Variants in THSD7B observed in about 807,000 individuals in gnomAD.
THSD7B encodes the protein thrombospondin type 1 domain containing 7B.
THSD7B carries 138 observed loss-of-function variants against 213.6 expected under a neutral mutation model. The observed-to-expected ratio is 0.65, with a 90% CI of 0.56 to 0.74. The LOEUF is 0.74. Ranked by LOEUF, THSD7B falls within the 30% of genes least tolerant of loss-of-function variation. The pLI is 0.00. For synonymous variants in THSD7B, 742 were observed against 687.0 expected (o/e 1.08, Z -1.25); for missense variants, 1,931 against 1,991.5 (o/e 0.97, Z 0.58).
At chr2:136,775,882 A>G (rs1280919484) in intron 1 of THSD7B, among the ~76,000 whole-genome samples, 1 of 152,156 alleles carries the variant, frequency 6.6e-6, no homozygotes, top group African/African-American at 2.4e-5. Flanking sequence ...ATCATCAAGA[A>G]GACATTTCTT....
At chr2:136,945,804 A>G (rs573407253) in intron 2 of THSD7B, among the ~76,000 whole-genome samples, 1 of 152,290 alleles carries the variant, frequency 6.6e-6, no homozygotes, top group African/African-American at 2.4e-5. Context: ...TTCTCACGCC[A>G]TGGTTTTCAG....
chr2:137,363,751 A>G (rs1320179100), intron 12 of THSD7B, among the ~76,000 whole-genome samples: 1 of 152,290 alleles, frequency 6.6e-6, no homozygotes, highest in East Asian at 1.9e-4. Context: ...AACCAATAGC[A>G]TACCAACCAA....
chr2:136,847,063 A>C (rs1175191139), intron 1 of THSD7B, among the ~76,000 whole-genome samples: 2 of 152,156 alleles, frequency 1.3e-5, no homozygotes, highest in African/African-American at 2.4e-5. Flanking sequence ...GCTGAATTAA[A>C]GGTGGGAATG....
rs71877881 is a variant in THSD7B at position 137,273,025 on chromosome 2, T to TAC, written c.2396+407_2396+408dup. 6.5e-3 allele frequency among the ~76,000 whole-genome samples: 923 copies of TAC among 141,046 alleles called. 8 individuals carry two copies. Among genetic ancestry groups the TAC allele is most frequent in the African/African-American group, 0.01 (389 of 38,188 alleles). 92.5% of individuals were successfully genotyped at this position (141,046 alleles called of 152,430 possible). ...CACACCACACACACGGGAGAAGGAA[T>TAC]ACACACACACACACACACACACACA... On this transcript the variant is annotated intron_variant, in intron 11 of 27. Coordinates refer to ENST00000409968, the MANE Select transcript of THSD7B (RefSeq NM_001316349.2).
At chr2:137,250,285 A>G (rs1682143959) in intron 10 of THSD7B, among the ~76,000 whole-genome samples, 1 of 152,204 alleles carries the variant, frequency 6.6e-6, no homozygotes, top group African/African-American at 2.4e-5. Flanking sequence ...GTATATAAAT[A>G]TGGGGTATAA....
At chr2:137,059,600 T>C (rs1363361143) in intron 3 of THSD7B, among the ~76,000 whole-genome samples, 2 of 152,174 alleles carry the variant, frequency 1.3e-5, no homozygotes, top group East Asian at 1.9e-4. Context: ...AGTTTTGCCT[T>C]TTTAAAAAAT....
At chr2:137,081,682 C>T (rs913388688) in intron 3 of THSD7B, among the ~76,000 whole-genome samples, 4 of 151,950 alleles carry the variant, frequency 2.6e-5, no homozygotes, top group African/African-American at 9.7e-5. Flanking sequence ...TTTTTCTTTT[C>T]AGCTTTGTTC....
At chr2:136,986,630 G>C (rs1434674235) in intron 2 of THSD7B, among the ~76,000 whole-genome samples, 2 of 152,130 alleles carry the variant, frequency 1.3e-5, no homozygotes, top group African/African-American at 4.8e-5. Context: ...AGCTTCTAAA[G>C]GTAGAGATAG....
At chr2:137,344,204 ATCTGTGGAAAAATTGTC>A (rs2104911267) in intron 12 of THSD7B, among the ~76,000 whole-genome samples, 1 of 151,736 alleles carries the variant, frequency 6.6e-6, no homozygotes, top group South Asian at 2.1e-4. Context: ...ACTCCCCCAT[ATCTGTGGAAAAATTGTC>A]TTCCACAAAA....
chr2:137,268,213 T>C (rs374034016), intron 10 of THSD7B, among the ~76,000 whole-genome samples: 2 of 152,242 alleles, frequency 1.3e-5, no homozygotes, highest in South Asian at 2.1e-4. Flanking sequence ...TGCAGGTTTG[T>C]TAAGTAAGTA....
intron 1 of THSD7B, among the ~76,000 whole-genome samples, chr2:136,771,604 C>T (rs1681506596): frequency 6.6e-6 from 1 of 152,134 alleles, no homozygotes; most frequent in African/African-American, 2.4e-5. Context: ...ATCTATTAGT[C>T]AAAATCCAGT....
At chr2:136,786,722 T>C (rs1035073748) in intron 1 of THSD7B, among the ~76,000 whole-genome samples, 1 of 152,194 alleles carries the variant, frequency 6.6e-6, no homozygotes, top group Non-Finnish European at 1.5e-5. Flanking sequence ...CACTGGTATT[T>C]CCATTGTGCA....
At chr2:137,557,265 A>G (rs987396065) in intron 15 of THSD7B, among the ~76,000 whole-genome samples, 5 of 152,206 alleles carry the variant, frequency 3.3e-5, no homozygotes, top group African/African-American at 4.8e-5. Flanking sequence ...CACCACACCT[A>G]TTCCTAAATT....
intron 2 of THSD7B, among the ~76,000 whole-genome samples, chr2:137,055,147 T>C (rs1427873261): frequency 6.6e-6 from 1 of 152,248 alleles, no homozygotes; most frequent in Non-Finnish European, 1.5e-5. Context: ...TTCCATGGTG[T>C]ACGTGTGCCA....
Position 137,414,510 on chromosome 2 carries a change from A to G in THSD7B, c.2959+2638A>G, listed in dbSNP as rs185409908. Among the ~76,000 whole-genome samples the G allele has an allele frequency of 2.0e-5, 3 of 149,590 alleles. No individual in the cohort carries two copies. In the East Asian group the frequency reaches 6.1e-4, roughly 31 times the overall value. On this transcript the variant is annotated intron_variant, in intron 14 of 27. Coordinates refer to ENST00000409968, the MANE Select transcript of THSD7B (RefSeq NM_001316349.2). ...TAGGTGGGAGGATCGCTTGAGCCCAAGAGTTTGAGACAAGCCTGGTCAACA... is the reference window on the plus strand; with the variant it reads ...TAGGTGGGAGGATCGCTTGAGCCCAGGAGTTTGAGACAAGCCTGGTCAACA...
intron 12 of THSD7B, among the ~76,000 whole-genome samples, chr2:137,361,513 A>G (rs192802269): frequency 6.6e-6 from 1 of 152,300 alleles, no homozygotes; most frequent in Non-Finnish European, 1.5e-5. Flanking sequence ...GCTAACTAGA[A>G]TAAACAGTGT....
rs531941968 is a variant in THSD7B at position 136,803,153 on chromosome 2, C to T, written c.-36+37466C>T. Among the ~76,000 whole-genome samples, 69 of 150,834 alleles carry T rather than the reference C, an allele frequency of 4.6e-4. 1 individual carries two copies. The highest frequency in any genetic ancestry group is 6.9e-3 in the Middle Eastern group (2 of 288). On this transcript the variant is annotated intron_variant, in intron 1 of 27. Coordinates refer to ENST00000409968, the MANE Select transcript of THSD7B (RefSeq NM_001316349.2). ...CATATTTCCTGGAATATAAATACAC[C>T]CACACACACACACATGCACATATAT...
At chr2:136,998,953 CACA>C (rs1393592035) in intron 2 of THSD7B, among the ~76,000 whole-genome samples, 2,247 of 150,292 alleles carry the variant, frequency 0.015, 31 homozygotes, top group Non-Finnish European at 0.018. Context: ...CACACACACA[CACA>C]CACCCCTGCT....
chr2:137,421,859 C>T (rs1686937221), intron 14 of THSD7B, among the ~76,000 whole-genome samples: 1 of 152,170 alleles, frequency 6.6e-6, no homozygotes, highest in South Asian at 2.1e-4. Context: ...GAGTTATAAG[C>T]CAGGAAACCT....
Sources: allele counts gnomAD v4.1 joint callset (sites outside exome capture counted in the v4.1 genomes callset), GRCh38; gene constraint gnomAD v4.1.1; transcripts MANE v1.5; gene names NCBI Gene and HGNC (gene_info 2026-07-23, HGNC 2026-07-21).